ZNF385D: variants seen among roughly 807,000 people sequenced by gnomAD.
The protein encoded by ZNF385D is zinc finger protein 659.
In ZNF385D, 15 loss-of-function variants were observed where a neutral mutation model predicts 35.8. That is an observed-to-expected ratio of 0.42 (90% CI 0.28 to 0.64). The LOEUF is 0.64. Among genes scored for constraint, ZNF385D ranks in the 30% least tolerant of loss-of-function variants. The pLI is 0.23. For missense variants in ZNF385D, 474 were observed against 494.6 expected (o/e 0.96, Z 0.39); for synonymous variants, 212 against 186.8 (o/e 1.13, Z -1.10).
chr3:22,188,363 G>T (rs1041317714), intron 2 of ZNF385D, among the ~76,000 whole-genome samples: 6 of 152,118 alleles, frequency 3.9e-5, no homozygotes, highest in African/African-American at 1.4e-4. Flanking sequence ...CTTCACATGG[G>T]AAAGTGCATT....
At chr3:21,926,165 G>C (rs1228963471) in intron 3 of ZNF385D, among the ~76,000 whole-genome samples, 5 of 151,738 alleles carry the variant, frequency 3.3e-5, no homozygotes, top group African/African-American at 1.2e-4. Flanking sequence ...TTTAAGTTCT[G>C]GAGTACATGT....
At position 22,305,331 on chromosome 3, in the gene ZNF385D, T is replaced by G. The variant is rs145697565; in HGVS notation, c.106+67119A>C. Among the ~76,000 whole-genome samples the G allele has an allele frequency of 2.8e-4, 42 of 152,310 alleles. No homozygotes were observed. In the East Asian group the frequency reaches 7.9e-3, roughly 29 times the overall value. On this transcript the variant is annotated intron_variant, in intron 2 of 5. Coordinates refer to the ZNF385D transcript ENST00000494108. The stretch of plus-strand genomic sequence containing the variant: ...GCTTCTAGGTTTTTTAAAAAATTCT[T>G]TATTTAAATTCACTCATCCTTGCAT...
intron 3 of ZNF385D, among the ~76,000 whole-genome samples, chr3:21,833,455 T>C (rs887335746): frequency 2.0e-5 from 3 of 152,218 alleles, no homozygotes; most frequent in African/African-American, 4.8e-5. Flanking sequence ...GTGGAGAGGA[T>C]TGTGGCCATA....
intron 4 of ZNF385D, among the ~76,000 whole-genome samples, chr3:21,497,187 C>T (rs751347278): frequency 1.3e-5 from 2 of 152,082 alleles, no homozygotes; most frequent in Non-Finnish European, 2.9e-5. Flanking sequence ...GATCTAACAA[C>T]AACTTCAGCA....
intron 4 of ZNF385D, among the ~76,000 whole-genome samples, chr3:21,456,988 T>A (rs954275130): frequency 3.4e-4 from 52 of 152,150 alleles, no homozygotes; most frequent in Non-Finnish European, 7.1e-4. Flanking sequence ...ATGTAATATA[T>A]AACAATATAA....
Position 21,952,178 on chromosome 3 carries a change from T to C in ZNF385D, c.325+216639A>G, listed in dbSNP as rs189117824. Among the ~76,000 whole-genome samples the C allele has an allele frequency of 3.3e-3, 499 of 152,156 alleles. 2 individuals are homozygous for C. Among genetic ancestry groups the C allele is most frequent in the Non-Finnish European group, 5.3e-3 (363 of 67,932 alleles). On this transcript the variant is annotated intron_variant, in intron 3 of 5. Coordinates refer to the ZNF385D transcript ENST00000494108. The stretch of plus-strand genomic sequence containing the variant: ...AACTATGATGGTTTCCTCTCTCCTC[T>C]CATGGCTTAAAAATCCTGAATTGAC...
chr3:22,071,764 T>C (rs1288049371), intron 3 of ZNF385D, among the ~76,000 whole-genome samples: 1 of 152,044 alleles, frequency 6.6e-6, no homozygotes, highest in Non-Finnish European at 1.5e-5. Context: ...ACCAACAAGA[T>C]TAGTAAAAGG....
chr3:21,453,647 C>A (rs960696562), intron 4 of ZNF385D, among the ~76,000 whole-genome samples: 1 of 151,838 alleles, frequency 6.6e-6, no homozygotes, highest in African/African-American at 2.4e-5. Flanking sequence ...CTGGGAAATA[C>A]CATTTCACAA....
intron 4 of ZNF385D, among the ~76,000 whole-genome samples, chr3:21,457,104 C>A (rs1277673719): frequency 6.6e-6 from 1 of 151,830 alleles, no homozygotes; most frequent in Non-Finnish European, 1.5e-5. Flanking sequence ...GAATGGTTAC[C>A]AAAACATAAT....
intron 3 of ZNF385D, among the ~76,000 whole-genome samples, chr3:21,857,155 T>C (rs1696763855): frequency 6.6e-6 from 1 of 152,250 alleles, no homozygotes; most frequent in South Asian, 2.1e-4. Context: ...CTTTTTAATG[T>C]CACTCTACAG....
chr3:21,994,051 C>G (rs1004249729), intron 3 of ZNF385D, among the ~76,000 whole-genome samples: 4 of 152,136 alleles, frequency 2.6e-5, no homozygotes, highest in Non-Finnish European at 5.9e-5. Flanking sequence ...TAGCATAAGC[C>G]CAAACCTACA....
Position 22,240,277 on chromosome 3 carries a change from T to G in ZNF385D, c.107-71242A>C, listed in dbSNP as rs578212640. Among the ~76,000 whole-genome samples the G allele has an allele frequency of 1.8e-4, 27 of 150,686 alleles. 3 individuals carry two copies. Among genetic ancestry groups the G allele is most frequent in the African/African-American group, 6.6e-4 (27 of 40,732 alleles). ...TCTGGCTTGCAATGCAGTTTCTACC[T>G]GCTGTGCTTTTACTTTAAAAATCCA... On this transcript the variant is annotated intron_variant, in intron 2 of 5. Coordinates refer to the ZNF385D transcript ENST00000494108.
chr3:21,597,868 G>T (rs2064169387), intron 2 of ZNF385D, among the ~76,000 whole-genome samples: 1 of 152,152 alleles, frequency 6.6e-6, no homozygotes, highest in Non-Finnish European at 1.5e-5. Context: ...TGGAAAGGCA[G>T]TTAAATAGGG....
At chr3:21,921,209 C>T (rs894063073) in intron 3 of ZNF385D, among the ~76,000 whole-genome samples, 3 of 113,484 alleles carry the variant, frequency 2.6e-5, no homozygotes, top group African/African-American at 3.5e-5. Context: ...GGCGACAGAG[C>T]GAGACTCCAT....
intron 2 of ZNF385D, among the ~76,000 whole-genome samples, chr3:21,625,366 T>C (rs1405283543): frequency 2.0e-5 from 3 of 152,074 alleles, no homozygotes; most frequent in Non-Finnish European, 4.4e-5. Flanking sequence ...CAGGGCATAC[T>C]GAAGTGGAAA....
At chr3:22,226,698 T>C (rs560698681) in intron 2 of ZNF385D, among the ~76,000 whole-genome samples, 10 of 152,314 alleles carry the variant, frequency 6.6e-5, no homozygotes, top group African/African-American at 2.2e-4. Flanking sequence ...AGGTCATCCA[T>C]TTATAGCATC....
rs1188301861 is a variant in ZNF385D at position 21,418,198 on chromosome 3, G to C, written c.*3016C>G. 2 of 152,100 alleles carry C rather than the reference G, an allele frequency of 1.3e-5. No individual in the cohort carries two copies. The highest frequency in any genetic ancestry group is 2.9e-5 in the Non-Finnish European group (2 of 68,002). 9.4% of individuals were successfully genotyped at this position (152,100 alleles called of 1,614,324 possible). On this transcript the variant is annotated 3_prime_UTR_variant, in exon 8 of 8. Coordinates refer to ENST00000281523, the MANE Select transcript of ZNF385D (RefSeq NM_024697.3). ...CTTTCTCTATCACTTTCCTTGCCAT[G>C]GTGTGATGCATGGGAAGGAATGTAA...
intron 2 of ZNF385D, among the ~76,000 whole-genome samples, chr3:21,575,783 G>A (rs750843032): frequency 3.9e-5 from 6 of 152,126 alleles, no homozygotes; most frequent in Admixed American, 6.6e-5. Flanking sequence ...AGGCAGGGTT[G>A]GGTCTCATTA....
chr3:21,932,263 T>A (rs556711205), intron 3 of ZNF385D, among the ~76,000 whole-genome samples: 1 of 148,756 alleles, frequency 6.7e-6, no homozygotes, highest in East Asian at 2.0e-4. Context: ...GTAATCTAAA[T>A]GATATCTTTA....
Sources: allele counts gnomAD v4.1 joint callset (sites outside exome capture counted in the v4.1 genomes callset), GRCh38; gene constraint gnomAD v4.1.1; transcripts MANE v1.5; gene names NCBI Gene and HGNC (gene_info 2026-07-23, HGNC 2026-07-21).